Variants in DLGAP2 observed in about 807,000 individuals in gnomAD.
DLGAP2 encodes the protein disks large-associated protein 2.
In DLGAP2, 26 loss-of-function variants were observed where a neutral mutation model predicts 100.3. The observed-to-expected ratio is 0.26, with a 90% CI of 0.19 to 0.36. The LOEUF is 0.36. Ranked by LOEUF, DLGAP2 falls within the 10% of genes least tolerant of loss-of-function variation. DLGAP2 has a pLI of 1.00. For synonymous variants in DLGAP2, 886 were observed against 630.1 expected (o/e 1.41, Z -6.08); for missense variants, 1,858 against 1,453.2 (o/e 1.28, Z -4.53).
chr8:952,296 A>G (rs1000377404), intron 2 of DLGAP2, among the ~76,000 whole-genome samples: 17 of 152,246 alleles, frequency 1.1e-4, no homozygotes, highest in Admixed American at 1.1e-3. Context: ...CTAAGGGCCA[A>G]CAATTCCCCA....
At chr8:965,271 G>A (rs866004425) in intron 2 of DLGAP2, among the ~76,000 whole-genome samples, 273 of 113,566 alleles carry the variant, frequency 2.4e-3, no homozygotes, top group Admixed American at 5.7e-3. Flanking sequence ...CCCAACCCCC[G>A]CGTGCACACG....
intron 1 of DLGAP2, among the ~76,000 whole-genome samples, chr8:879,347 T>C (rs1205160580): frequency 3.3e-5 from 5 of 152,348 alleles, no homozygotes; most frequent in Non-Finnish European, 7.3e-5. Flanking sequence ...AATGACACTG[T>C]CTGCTTGGGG....
intron 1 of DLGAP2, among the ~76,000 whole-genome samples, chr8:761,827 G>C (rs1821091903): frequency 6.6e-6 from 1 of 152,208 alleles, no homozygotes; most frequent in African/African-American, 2.4e-5. Flanking sequence ...TGCACCAGCT[G>C]TCCAGCCTGG....
intron 3 of DLGAP2, among the ~76,000 whole-genome samples, chr8:1,347,367 A>G (rs13252900): frequency 0.22 from 32,596 of 150,870 alleles, 4,008 homozygotes; most frequent in Admixed American, 0.3. Flanking sequence ...TCCCATACAC[A>G]TCTGCATTGC....
intron 2 of DLGAP2, among the ~76,000 whole-genome samples, chr8:998,448 G>A (rs1346525788): frequency 6.6e-6 from 1 of 151,458 alleles, no homozygotes; most frequent in Non-Finnish European, 1.5e-5. Context: ...CTACAGGTGT[G>A]AGCCACTATG....
intron 3 of DLGAP2, among the ~76,000 whole-genome samples, chr8:1,338,171 G>A (rs1341638227): frequency 6.6e-6 from 1 of 152,224 alleles, no homozygotes. Context: ...CCCAGTGTGT[G>A]TATTCCTAAG....
In DLGAP2 at chr8:928,180, T is replaced by C. The variant is rs998108441; in HGVS notation, c.73+20214T>C. ...TAGACACGGATGTACTGAGGCTGAG[T>C]TCATATTCAGTAGGCCTCATGGACG... On this transcript the variant is annotated intron_variant, in intron 2 of 14. Transcript: ENST00000637795. Among the ~76,000 whole-genome samples the C allele has an allele frequency of 2.0e-5, 3 of 151,962 alleles. No individual in the cohort carries two copies. The East Asian group carries it at 5.8e-4, about 29-fold the overall frequency.
At chr8:1,179,827 A>T (rs1326720609) in intron 2 of DLGAP2, among the ~76,000 whole-genome samples, 1 of 152,230 alleles carries the variant, frequency 6.6e-6, no homozygotes, top group African/African-American at 2.4e-5. Flanking sequence ...ATTTATACCC[A>T]GTGATTGCTA....
chr8:1,175,791 C>G (rs1797239392), intron 2 of DLGAP2, among the ~76,000 whole-genome samples: 1 of 152,208 alleles, frequency 6.6e-6, no homozygotes, highest in Non-Finnish European at 1.5e-5. Flanking sequence ...GAAAGTAAAT[C>G]TTAATACTTA....
chr8:757,453 G>A (rs1352202571), intron 1 of DLGAP2, among the ~76,000 whole-genome samples: 1 of 152,150 alleles, frequency 6.6e-6, no homozygotes, highest in East Asian at 1.9e-4. Context: ...TTTGAGGACT[G>A]TTGCTCTGAA....
intron 3 of DLGAP2, among the ~76,000 whole-genome samples, chr8:1,293,915 A>T (rs546988160): frequency 6.6e-6 from 1 of 152,340 alleles, no homozygotes; most frequent in South Asian, 2.1e-4. Flanking sequence ...CCTAAAGCTG[A>T]TTGATTTTCA....
chr8:1,150,131 G>C (rs1215160793), intron 2 of DLGAP2, among the ~76,000 whole-genome samples: 1 of 152,134 alleles, frequency 6.6e-6, no homozygotes, highest in Non-Finnish European at 1.5e-5. Context: ...TCCCTGAAGA[G>C]CTCCCCTAAT....
At chr8:795,433 C>T (rs1293561067) in intron 1 of DLGAP2, among the ~76,000 whole-genome samples, 2 of 152,192 alleles carry the variant, frequency 1.3e-5, no homozygotes, top group East Asian at 3.9e-4. Context: ...CAGCACCAAG[C>T]TTGGGGCCAT....
intron 4 of DLGAP2, among the ~76,000 whole-genome samples, chr8:1,509,631 C>A (rs531686524): frequency 3.5e-4 from 54 of 152,116 alleles, no homozygotes; most frequent in African/African-American, 1.3e-3. Context: ...GCAGGCAAAG[C>A]CTCCGCACAT....
At chr8:800,118 A>G (rs1585876484) in intron 1 of DLGAP2, among the ~76,000 whole-genome samples, 1 of 152,050 alleles carries the variant, frequency 6.6e-6, no homozygotes, top group African/African-American at 2.4e-5. Context: ...TGCTGTCTCT[A>G]ATCTGGTCTA....
chr8:1,548,481 A>AAAC, intron 4 of DLGAP2, 145 bp from the exon 5 acceptor site: 1 of 559,302 alleles, frequency 1.8e-6, no homozygotes, highest in South Asian at 5.4e-5. Flanking sequence ...AAAAAAAAAA[A>AAAC]AAACCCACAA....
At position 899,845 on chromosome 8, in the gene DLGAP2, C is replaced by T. The variant is rs541136400; in HGVS notation, c.19-8067C>T. 1.7e-4 allele frequency among the ~76,000 whole-genome samples: 26 copies of T among 152,236 alleles called. 2 individuals carry two copies. The South Asian group carries it at 5.2e-3, about 30-fold the overall frequency. On this transcript the variant is annotated intron_variant, in intron 1 of 14. Coordinates refer to ENST00000637795, the MANE Select transcript of DLGAP2 (RefSeq NM_001346810.2). ...CATTCAGTGGCGTGGTGTAACTGCACGTATTTCACAGACACACCACTTATT... is the reference window on the plus strand; with the variant it reads ...CATTCAGTGGCGTGGTGTAACTGCATGTATTTCACAGACACACCACTTATT...
chr8:1,607,502 A>T (rs1487301935), intron 6 of DLGAP2, among the ~76,000 whole-genome samples: 1 of 152,272 alleles, frequency 6.6e-6, no homozygotes, highest in Non-Finnish European at 1.5e-5. Flanking sequence ...TGAAATATAA[A>T]GCAATTTGAG....
chr8:973,682 A>C (rs997818907), intron 2 of DLGAP2, among the ~76,000 whole-genome samples: 4 of 152,236 alleles, frequency 2.6e-5, no homozygotes, highest in African/African-American at 9.6e-5. Flanking sequence ...TCTCAGTTCC[A>C]GCTCCTTTCT....
Sources: gnomAD v4.1 joint callset for allele counts (sites outside exome capture counted in the v4.1 genomes callset) on GRCh38, gnomAD v4.1.1 for gene constraint, MANE v1.5 for transcripts, NCBI Gene and HGNC (gene_info 2026-07-23, HGNC 2026-07-21) for gene names.